Variants in SLC22A5 observed in about 807,000 individuals in gnomAD.
SLC22A5 encodes the protein solute carrier family 22 member 5.
SLC22A5 carries 44 observed loss-of-function variants against 56.7 expected under a neutral mutation model. The ratio of observed to expected loss-of-function variants is 0.78; its 90% CI spans 0.61 to 1.00. SLC22A5 has a LOEUF of 1.00. Among genes scored for constraint, SLC22A5 ranks in the 50% least tolerant of loss-of-function variants. The pLI is 0.00. For synonymous variants in SLC22A5, 278 were observed against 292.1 expected (o/e 0.95, Z 0.49); for missense variants, 675 against 723.0 (o/e 0.93, Z 0.76).
intron 4 of SLC22A5, among the ~76,000 whole-genome samples, 163 bp downstream of exon 4, chr5:132,385,662 A>G (rs895579060): frequency 6.6e-6 from 1 of 152,208 alleles, no homozygotes; most frequent in African/African-American, 2.4e-5. Context: ...CAAAAGAGCC[A>G]AAACAAAACA....
intron 1 of SLC22A5, among the ~76,000 whole-genome samples, chr5:132,371,199 T>C (rs540412360): frequency 3.9e-5 from 6 of 152,270 alleles, no homozygotes; most frequent in African/African-American, 1.4e-4. Flanking sequence ...TCTCTTGACC[T>C]CGTGATCTGC....
intron 2 of SLC22A5, chr5:132,382,839 A>G (rs1292626029): frequency 6.6e-6 from 1 of 152,180 alleles, no homozygotes; most frequent in East Asian, 1.9e-4. Flanking sequence ...ATTTATTGAT[A>G]TCCAAGTGCC....
At chr5:132,393,630 G>C (rs1424373395) in intron 8 of SLC22A5, 46 bp from the exon 9 acceptor site, 3 of 1,612,702 alleles carry the variant, frequency 1.9e-6, no homozygotes, top group Non-Finnish European at 2.5e-6. Context: ...GAGAGACCAA[G>C]TCTAACTGCA....
chr5:132,390,756 T>C lies in SLC22A5; in HGVS notation c.1119T>C (p.Phe373=). The C allele has an allele frequency of 6.2e-7, 1 of 1,614,260 alleles. No individual in the cohort carries two copies. Among genetic ancestry groups the C allele is most frequent in the Non-Finnish European group, 8.5e-7 (1 of 1,180,046 alleles). Residue 373 remains phenylalanine, a synonymous_variant, in exon 7 of 10, where the codon TTT becomes TTC. Transcript: ENST00000245407. ...LDTPNLHGDI[F]VNCFLSAMVE... ...CTCCTAACTTGCATGGGGACATCTT[T>C]GTGAACTGCTTCCTTTCAGCGATGG...
At chr5:132,394,054 T>G in intron 9 of SLC22A5, 131 bp from the exon 10 acceptor site, 1 of 796,908 alleles carries the variant, frequency 1.3e-6, no homozygotes, top group African/African-American at 1.7e-5. Flanking sequence ...ACTCAGAGGC[T>G]AGAAGAAACC....
chr5:132,391,535 G>C (rs575413970), intron 7 of SLC22A5, among the ~76,000 whole-genome samples: 52 of 152,306 alleles, frequency 3.4e-4, no homozygotes, highest in African/African-American at 1.2e-3. Context: ...AAAAAGTCTA[G>C]GAGAACATTT....
intron 3 of SLC22A5, among the ~76,000 whole-genome samples, chr5:132,384,961 A>G (rs574670885): frequency 3.5e-4 from 54 of 152,202 alleles, no homozygotes; most frequent in African/African-American, 1.2e-3. Context: ...TTCTTTTTAT[A>G]TTTAATATTC....
intron 2 of SLC22A5, chr5:132,380,135 C>T (rs1020527151): frequency 1.3e-4 from 20 of 152,422 alleles, no homozygotes; most frequent in African/African-American, 4.1e-4. Flanking sequence ...GAAGCATGAG[C>T]GAGAGTGGGA....
chr5:132,385,446 G>A lies in SLC22A5; in HGVS notation c.771G>A (p.Arg257=). Residue 257 remains arginine (R), a synonymous_variant, in exon 4 of 10, where the codon CGG becomes CGA. Transcript: ENST00000245407. ...PLFAYFIRDW[R]MLLVALTMPG... is the part of the protein sequence containing the mutation. ...TTGCTTACTTCATCCGAGACTGGCG[G>A]ATGCTGCTGGTGGCGCTGACGATGC... 1 of 1,614,194 alleles carries A rather than the reference G, an allele frequency of 6.2e-7. No homozygotes were observed. The highest frequency in any genetic ancestry group is 1.1e-5 in the South Asian group (1 of 91,084).
intron 8 of SLC22A5, among the ~76,000 whole-genome samples, chr5:132,393,367 A>G (rs1330022185): frequency 2.0e-5 from 3 of 152,218 alleles, no homozygotes; most frequent in Non-Finnish European, 2.9e-5. Flanking sequence ...CAACCTTGGT[A>G]AATAAGAATA....
At chr5:132,384,352 T>C in intron 3 of SLC22A5, 51 bp downstream of exon 3, 1 of 1,557,568 alleles carries the variant, frequency 6.4e-7, no homozygotes, top group Admixed American at 1.7e-5. Context: ...TTCACCATCA[T>C]CCCATCACCT....
At chr5:132,371,799 A>G (rs1321678528) in intron 1 of SLC22A5, among the ~76,000 whole-genome samples, 1 of 151,952 alleles carries the variant, frequency 6.6e-6, no homozygotes, top group Non-Finnish European at 1.5e-5. Context: ...GAGTTCATAG[A>G]GAGGGAGAGT....
At chr5:132,392,977 G>A (rs1430904430) in intron 8 of SLC22A5, among the ~76,000 whole-genome samples, 1 of 152,166 alleles carries the variant, frequency 6.6e-6, no homozygotes, top group Non-Finnish European at 1.5e-5. Flanking sequence ...AGTTTAAAAG[G>A]AACATGAGGG....
rs121908893 is a variant in SLC22A5, at chr5:132,385,435, C to A, written c.760C>A (p.Arg254=). The part of the protein sequence containing the change: ...MVLPLFAYFI[R]DWRMLLVALT... ...GCTGCCACTGTTTGCTTACTTCATC[C>A]GAGACTGGCGGATGCTGCTGGTGGC... The change falls in exon 4 of 10, where the codon CGA becomes AGA. Residue 254 remains arginine, a synonymous_variant. Coordinates refer to ENST00000245407, the MANE Select transcript of SLC22A5 (RefSeq NM_003060.4). The A allele has an allele frequency of 3.5e-4, 563 of 1,614,136 alleles. 1 individual carries two copies. The highest frequency in any genetic ancestry group is 2.9e-4 in the Non-Finnish European group (341 of 1,180,010).
chr5:132,387,193 G>A (rs570813234), intron 5 of SLC22A5, 42 bp downstream of exon 5: 92 of 1,612,748 alleles, frequency 5.7e-5, no homozygotes, highest in African/African-American at 6.7e-5. Context: ...CAGACTGACC[G>A]TGATTTGAGA....
rs1243155490 is a variant in SLC22A5, at chr5:132,385,408, G to A, written c.733G>A (p.Val245Met). 5.6e-6 allele frequency: 9 copies of A among 1,614,024 alleles called. No homozygotes were observed. The highest frequency in any genetic ancestry group is 7.6e-6 in the Non-Finnish European group (9 of 1,179,872). Reference protein sequence around the residue: ...VCIFYAFGYMVLPLFAYFIRD... With the variant: ...VCIFYAFGYMMLPLFAYFIRD... ...CATATTTTATGCATTTGGCTACATG[G>A]TGCTGCCACTGTTTGCTTACTTCAT... Residue 245 changes from valine to methionine, a missense_variant, in exon 4 of 10, where the codon GTG becomes ATG. Val to Met is a conservative substitution (Grantham distance 21, BLOSUM62 1). Transcript: ENST00000245407.
rs140549066 is a variant in SLC22A5, at chr5:132,374,884, G to A, written c.394-3494G>A. On this transcript the variant is annotated intron_variant, in intron 1 of 9. Coordinates refer to ENST00000245407, the MANE Select transcript of SLC22A5 (RefSeq NM_003060.4). ...AGCCTGGTCAACATGGCAAAACCCC[G>A]TCTCTACTAAAAATACAAAAATTAG... Among the ~76,000 whole-genome samples, 835 of 152,118 alleles carry A rather than the reference G, an allele frequency of 5.5e-3. 4 individuals carry two copies. The highest frequency in any genetic ancestry group is 0.019 in the East Asian group (98 of 5,170).
chr5:132,375,233 G>C (rs73787195), intron 1 of SLC22A5, among the ~76,000 whole-genome samples: 66 of 152,302 alleles, frequency 4.3e-4, no homozygotes, highest in African/African-American at 1.6e-3. Flanking sequence ...TCTATACAGG[G>C]GGCACTGCCA....
chr5:132,390,722 C>T lies in SLC22A5; in HGVS notation c.1085C>T (p.Ser362Leu), dbSNP rs886042092. 9.9e-6 allele frequency: 16 copies of T among 1,614,190 alleles called. No individual in the cohort carries two copies. Among genetic ancestry groups the T allele is most frequent in the Non-Finnish European group, 1.2e-5 (14 of 1,180,002 alleles). ...ATATCAGTGGGCTATTTTGGGCTTT[C>T]GCTTGATACTCCTAACTTGCATGGG... ...MTISVGYFGL[S>L]LDTPNLHGDI... The change falls in exon 7 of 10, where the codon TCG becomes TTG. Residue 362 changes from serine to leucine, a missense_variant. Ser to Leu is a moderately radical substitution (Grantham distance 145). Transcript: ENST00000245407.
Sources: allele counts gnomAD v4.1 joint callset (sites outside exome capture counted in the v4.1 genomes callset), GRCh38; gene constraint gnomAD v4.1.1; transcripts MANE v1.5; gene names NCBI Gene and HGNC (gene_info 2026-07-23, HGNC 2026-07-21).